Variants in GNB4 observed in about 807,000 individuals in gnomAD.
GNB4 encodes G protein subunit beta 4, also known as guanine nucleotide-binding protein subunit beta-4.
In GNB4, 28 loss-of-function variants were observed where a neutral mutation model predicts 45.2. That is an observed-to-expected ratio of 0.62 (90% CI 0.46 to 0.85). The LOEUF (loss-of-function observed/expected upper bound fraction) is 0.85. GNB4 is among the 40% of genes least tolerant of loss of function. The pLI, the probability that GNB4 is intolerant of heterozygous loss-of-function variation, is 0.00. For missense variants in GNB4, 321 were observed against 425.4 expected (o/e 0.75, Z 2.16); for synonymous variants, 132 against 143.7 (o/e 0.92, Z 0.58).
chr3:179,464,422 G>A, the GNB4 span: 106 of 1,460,534 alleles, frequency 7.3e-5, no homozygotes, highest in Admixed American at 1.2e-4. Context: ...CTCTGCCCTC[G>A]CCCCTTCCAC....
chr3:179,409,577 C>T (rs1039788916), intron 8 of GNB4, among the ~76,000 whole-genome samples: 7 of 151,658 alleles, frequency 4.6e-5, no homozygotes, highest in Non-Finnish European at 8.8e-5. Context: ...TTTGGGAGGC[C>T]GAGGCAGGCA....
chr3:179,470,908 C>T, the GNB4 span, among the ~76,000 whole-genome samples: 1 of 152,216 alleles, frequency 6.6e-6, no homozygotes, highest in East Asian at 1.9e-4. Flanking sequence ...GGCCGGGCGC[C>T]GTGGCTTACG....
chr3:179,401,906 T>G (rs550173558), intron 9 of GNB4, among the ~76,000 whole-genome samples: 1 of 152,338 alleles, frequency 6.6e-6, no homozygotes, highest in East Asian at 1.9e-4. Context: ...TTTCACACAT[T>G]AAACTCATTT....
intron 1 of GNB4, among the ~76,000 whole-genome samples, chr3:179,446,935 C>T (rs1715747536): frequency 6.6e-6 from 1 of 152,138 alleles, no homozygotes; most frequent in Non-Finnish European, 1.5e-5. Flanking sequence ...ATTCTAGGCT[C>T]TAGAGATTCG....
At chr3:179,435,914 A>G (rs576057026) in intron 1 of GNB4, among the ~76,000 whole-genome samples, 4 of 152,350 alleles carry the variant, frequency 2.6e-5, no homozygotes, top group Admixed American at 6.5e-5. Flanking sequence ...TCCATGTCTT[A>G]GAATGTCCAC....
chr3:179,466,609 G>A, the GNB4 span, among the ~76,000 whole-genome samples: 1 of 152,166 alleles, frequency 6.6e-6, no homozygotes, highest in Non-Finnish European at 1.5e-5. Flanking sequence ...AGTCATGCCT[G>A]CTTACTTACC....
the GNB4 span, among the ~76,000 whole-genome samples, chr3:179,512,222 C>T: frequency 6.6e-6 from 1 of 152,190 alleles, no homozygotes; most frequent in Non-Finnish European, 1.5e-5. Flanking sequence ...GGTTGCTGTA[C>T]AGGTTGGCAT....
At chr3:179,430,699 C>T (rs755782629) in intron 1 of GNB4, among the ~76,000 whole-genome samples, 2 of 151,348 alleles carry the variant, frequency 1.3e-5, no homozygotes, top group Non-Finnish European at 2.9e-5. Context: ...TCAACTGGTC[C>T]TCCCACTTTG....
chr3:179,498,580 A>G, the GNB4 span, among the ~76,000 whole-genome samples: 2 of 152,016 alleles, frequency 1.3e-5, no homozygotes, highest in Non-Finnish European at 2.9e-5. Context: ...GATTACAGGC[A>G]TGCGCCACCA....
intron 9 of GNB4, among the ~76,000 whole-genome samples, chr3:179,402,562 C>G (rs1288775584): frequency 6.6e-6 from 1 of 152,048 alleles, no homozygotes; most frequent in Non-Finnish European, 1.5e-5. Context: ...AACTGCATAG[C>G]GGGGGTTAAA....
intron 1 of GNB4, among the ~76,000 whole-genome samples, chr3:179,444,961 T>C (rs1450244756): frequency 6.6e-6 from 1 of 152,128 alleles, no homozygotes; most frequent in Non-Finnish European, 1.5e-5. Context: ...TGGGTAAAGG[T>C]GTTTAGTTGA....
Position 179,405,281 on chromosome 3 carries a change from A to G in GNB4, c.825T>C (p.Ser275=), listed in dbSNP as rs755058382. 1.2e-6 allele frequency: 2 copies of G among 1,614,238 alleles called. No homozygotes were observed. The highest frequency in any genetic ancestry group is 2.2e-5 in the East Asian group (1 of 44,884). Residue 275 remains serine (S), a synonymous_variant, in exon 9 of 10, where the codon TCT becomes TCC. Transcript: ENST00000232564. ...GACGCCCACTTTTTGAGAAGGCTAC[A>G]GAAGTGATTCCACAGATGATATTGT... is the stretch of plus-strand genomic sequence containing the variant. ...SHDNIICGIT[S]VAFSKSGRLL...
intron 4 of GNB4, among the ~76,000 whole-genome samples, chr3:179,418,478 AAAAAAAAAAAG>A (rs1204966143): frequency 7.0e-6 from 1 of 142,002 alleles, no homozygotes; most frequent in Non-Finnish European, 1.6e-5. Context: ...CTCAAAAAAA[AAAAAAAAAAAG>A]AAAAAAGAAA....
the GNB4 span, among the ~76,000 whole-genome samples, chr3:179,465,804 TC>T: frequency 7.6e-4 from 75 of 98,632 alleles, no homozygotes; most frequent in Admixed American, 1.3e-3. Context: ...TTTTTCTTCT[TC>T]TTCTTCTTCT....
chr3:179,469,860 A>C, the GNB4 span, among the ~76,000 whole-genome samples: 1 of 152,218 alleles, frequency 6.6e-6, no homozygotes, highest in Admixed American at 6.5e-5. Flanking sequence ...GGTTACAAGA[A>C]AGTTCTGAAA....
chr3:179,405,282 G>A lies in GNB4; in HGVS notation c.824C>T (p.Ser275Phe). The change falls in exon 9 of 10, where the codon TCT (serine) becomes TTT (phenylalanine). Residue 275 changes from serine to phenylalanine, a missense_variant. By Grantham distance (155) the Ser-to-Phe change is radical. Coordinates refer to ENST00000232564, the MANE Select transcript of GNB4 (RefSeq NM_021629.4). ...SHDNIICGIT[S>F]VAFSKSGRLL... Reference sequence around the variant, plus strand: ...ACGCCCACTTTTTGAGAAGGCTACAGAAGTGATTCCACAGATGATATTGTC... The same window carrying A: ...ACGCCCACTTTTTGAGAAGGCTACAAAAGTGATTCCACAGATGATATTGTC... 1.9e-6 allele frequency: 3 copies of A among 1,614,166 alleles called. No homozygotes were observed. Among genetic ancestry groups the A allele is most frequent in the Non-Finnish European group, 2.5e-6 (3 of 1,179,988 alleles).
intron 1 of GNB4, among the ~76,000 whole-genome samples, chr3:179,431,388 C>A (rs145986750): frequency 3.3e-5 from 5 of 152,112 alleles, no homozygotes; most frequent in Non-Finnish European, 7.4e-5. Flanking sequence ...GAAACCCCAT[C>A]TCTACTAAAA....
chr3:179,466,009 T>G, the GNB4 span, among the ~76,000 whole-genome samples: 12 of 11,816 alleles, frequency 1.0e-3, no homozygotes, highest in East Asian at 0.033. Flanking sequence ...CTCTAGTCGT[T>G]TTTTTTTTTT....
upstream of GNB4, among the ~76,000 whole-genome samples, chr3:179,452,055 T>C (rs1416057853): frequency 1.3e-5 from 2 of 152,120 alleles, no homozygotes; most frequent in African/African-American, 2.4e-5. Flanking sequence ...GTGCTAAGCA[T>C]ATTAAATGAA....
Sources: gnomAD v4.1 joint callset for allele counts (sites outside exome capture counted in the v4.1 genomes callset) on GRCh38, gnomAD v4.1.1 for gene constraint, MANE v1.5 for transcripts, NCBI Gene and HGNC (gene_info 2026-07-23, HGNC 2026-07-21) for gene names.